MYRIP: variants seen among roughly 807,000 people sequenced by gnomAD.
MYRIP encodes the protein myosin VIIA and Rab interacting protein, also known as rab effector MyRIP.
Under a neutral mutation model 98.0 loss-of-function variants are expected in MYRIP, and 49 were observed. The observed-to-expected ratio is 0.50, with a 90% CI of 0.40 to 0.63. The LOEUF (loss-of-function observed/expected upper bound fraction) is 0.63, where lower values mean the gene tolerates loss of function less well. MYRIP is among the 30% of genes least tolerant of loss of function. MYRIP has a pLI of 0.00. For synonymous variants in MYRIP, 404 were observed against 409.5 expected (o/e 0.99, Z 0.16); for missense variants, 1,004 against 1,058.2 (o/e 0.95, Z 0.71).
chr3:40,080,477 G>GA (rs998324296), intron 3 of MYRIP, among the ~76,000 whole-genome samples: 6 of 151,444 alleles, frequency 4.0e-5, no homozygotes, highest in East Asian at 3.9e-4. Flanking sequence ...TCTAAAAAAA[G>GA]AAAAAAAGTG....
chr3:39,961,088 A>G (rs1945313370), intron 2 of MYRIP, among the ~76,000 whole-genome samples: 2 of 152,166 alleles, frequency 1.3e-5, no homozygotes, highest in African/African-American at 4.8e-5. Flanking sequence ...CAAAATGTTT[A>G]TTTGGCAGAC....
At chr3:40,226,109 T>C (rs1325178751) in intron 11 of MYRIP, among the ~76,000 whole-genome samples, 7 of 152,272 alleles carry the variant, frequency 4.6e-5, no homozygotes, top group East Asian at 3.9e-4. Flanking sequence ...CTCAGGAAAC[T>C]TGACACCAAA....
chr3:39,955,550 C>T (rs1454506191), intron 2 of MYRIP, among the ~76,000 whole-genome samples: 2 of 152,268 alleles, frequency 1.3e-5, no homozygotes, highest in South Asian at 2.1e-4. Flanking sequence ...AAAAGAACAA[C>T]CGGTACCAGC....
In MYRIP at chr3:40,220,363, T is replaced by G. The variant is rs997530173; in HGVS notation, c.1905+10270T>G. ...AATTAGATCCCATTTGTCAATTTTG[T>G]CTTTTGTTGCCATTGCTTTTGGTGT... On this transcript the variant is annotated intron_variant, in intron 11 of 16. Transcript: ENST00000302541. Among the ~76,000 whole-genome samples, 31 of 152,272 alleles carry G rather than the reference T, an allele frequency of 2.0e-4. No individual in the cohort carries two copies. The East Asian group carries it at 2.5e-3, about 12-fold the overall frequency.
intron 2 of MYRIP, among the ~76,000 whole-genome samples, chr3:40,019,833 A>G (rs1177610240): frequency 1.3e-5 from 2 of 152,044 alleles, no homozygotes; most frequent in Non-Finnish European, 2.9e-5. Flanking sequence ...TTAATGAGAG[A>G]TACTCTACTT....
Position 40,090,501 on chromosome 3 carries a change from A to G in MYRIP, c.332+46230A>G, listed in dbSNP as rs559856822. 3.9e-5 allele frequency among the ~76,000 whole-genome samples: 6 copies of G among 152,292 alleles called. No individual in the cohort carries two copies. In the South Asian group the frequency reaches 1.2e-3, roughly 32 times the overall value. On this transcript the variant is annotated intron_variant, in intron 3 of 16. Coordinates refer to ENST00000302541, the MANE Select transcript of MYRIP (RefSeq NM_015460.4). ...AACCCTCGTTCCTTGTTGGCCAGCT[A>G]GATTTTTACCTATCATCATTTCTGC...
At chr3:39,866,734 T>C (rs1341773629) in intron 1 of MYRIP, among the ~76,000 whole-genome samples, 2 of 152,168 alleles carry the variant, frequency 1.3e-5, no homozygotes, top group South Asian at 4.1e-4. Flanking sequence ...GAATTAATGT[T>C]GTAAAAATAT....
intron 2 of MYRIP, among the ~76,000 whole-genome samples, chr3:39,919,414 G>C: frequency 6.6e-6 from 1 of 152,192 alleles, no homozygotes; most frequent in East Asian, 1.9e-4. Flanking sequence ...TCTAAGTGCT[G>C]AGAGGAGGTG....
intron 3 of MYRIP, among the ~76,000 whole-genome samples, chr3:40,068,492 T>C (rs1024571574): frequency 6.6e-6 from 1 of 152,228 alleles, no homozygotes; most frequent in Non-Finnish European, 1.5e-5. Flanking sequence ...TAAGGATGTA[T>C]TGTATATAGT....
intron 3 of MYRIP, among the ~76,000 whole-genome samples, chr3:40,126,503 C>T (rs557581739): frequency 1.3e-5 from 2 of 152,256 alleles, no homozygotes; most frequent in African/African-American, 4.8e-5. Flanking sequence ...AAAAAAATAG[C>T]ATGTATTGAA....
chr3:40,094,360 G>A (rs1318319053), intron 3 of MYRIP, among the ~76,000 whole-genome samples: 1 of 152,186 alleles, frequency 6.6e-6, no homozygotes, highest in African/African-American at 2.4e-5. Context: ...CTCAGAGCTT[G>A]GTCTGTCTGT....
rs1480517592 is a variant in MYRIP at position 39,819,178 on chromosome 3, G to A, written c.-31+9262G>A. 5.3e-5 allele frequency among the ~76,000 whole-genome samples: 8 copies of A among 152,010 alleles called. No individual in the cohort carries two copies. The South Asian group carries it at 6.2e-4, about 12-fold the overall frequency. On this transcript the variant is annotated intron_variant, in intron 1 of 16. Transcript: ENST00000302541. Reference sequence around the variant, plus strand: ...AGCCTGACCAACATGGTGAAACCTCGTTTCTACTAAATACAAAAAATTAGC... The same window carrying A: ...AGCCTGACCAACATGGTGAAACCTCATTTCTACTAAATACAAAAAATTAGC...
chr3:40,129,486 C>T (rs887848442), intron 3 of MYRIP, among the ~76,000 whole-genome samples: 1 of 121,758 alleles, frequency 8.2e-6, no homozygotes, highest in Non-Finnish European at 1.9e-5. Context: ...ATCATGCCAC[C>T]TCCGAAAACA....
chr3:40,144,747 T>C (rs1949977073), intron 3 of MYRIP, among the ~76,000 whole-genome samples: 1 of 152,236 alleles, frequency 6.6e-6, no homozygotes, highest in African/African-American at 2.4e-5. Flanking sequence ...TGAAAATAGC[T>C]TTATCAGTGT....
chr3:39,921,041 T>G (rs946761767), intron 2 of MYRIP, among the ~76,000 whole-genome samples: 10 of 152,174 alleles, frequency 6.6e-5, no homozygotes, highest in African/African-American at 2.4e-4. Context: ...GCAGTAAAAC[T>G]CTACTTGAAT....
At chr3:40,175,896 C>G (rs11719904) in intron 8 of MYRIP, among the ~76,000 whole-genome samples, 9,541 of 152,306 alleles carry the variant, frequency 0.063, 412 homozygotes, top group Non-Finnish European at 0.093. Flanking sequence ...TCTGGGAACC[C>G]CCATTCATAT....
intron 10 of MYRIP, among the ~76,000 whole-genome samples, chr3:40,204,609 G>A (rs1341711997): frequency 6.6e-6 from 1 of 152,000 alleles, no homozygotes; most frequent in Non-Finnish European, 1.5e-5. Context: ...AAGAAAACTT[G>A]GCCTCTTGTG....
chr3:40,068,123 C>G (rs532659534), intron 3 of MYRIP, among the ~76,000 whole-genome samples: 1 of 152,122 alleles, frequency 6.6e-6, no homozygotes, highest in African/African-American at 2.4e-5. Flanking sequence ...GTACAGATAT[C>G]CTTTGCTTCT....
chr3:40,082,450 C>T (rs957290384), intron 3 of MYRIP, among the ~76,000 whole-genome samples: 1 of 152,130 alleles, frequency 6.6e-6, no homozygotes, highest in African/African-American at 2.4e-5. Flanking sequence ...ATTTCATACA[C>T]CTGTCTTTTT....
Sources: gnomAD v4.1 joint callset for allele counts (sites outside exome capture counted in the v4.1 genomes callset) on GRCh38, gnomAD v4.1.1 for gene constraint, MANE v1.5 for transcripts, NCBI Gene and HGNC (gene_info 2026-07-23, HGNC 2026-07-21) for gene names.